The following LRP1 variants were observed in gnomAD, a reference collection of about 807,000 sequenced individuals.
The protein encoded by LRP1 is prolow-density lipoprotein receptor-related protein 1.
LRP1 carries 51 observed loss-of-function variants against 541.5 expected under a neutral mutation model. The observed-to-expected ratio is 0.09, with a 90% CI of 0.08 to 0.12. LRP1 has a LOEUF of 0.12. Among genes scored for constraint, LRP1 ranks in the 10% least tolerant of loss-of-function variants. The pLI, the probability that LRP1 is intolerant of heterozygous loss-of-function variation, is 1.00. For missense variants in LRP1, 3,878 were observed against 6,376.2 expected, an observed-to-expected ratio of 0.61 and a Z score of 13.34; for synonymous variants, 2,219 against 2,470.8, an observed-to-expected ratio of 0.90 and a Z score of 3.02.
At position 57,128,630 on chromosome 12, in the gene LRP1, A is replaced by G; in HGVS notation, c.-335A>G. 1 of 252,218 alleles carries G rather than the reference A, an allele frequency of 4.0e-6. No individual in the cohort carries two copies. 15.6% of individuals were successfully genotyped at this position (252,218 alleles called of 1,614,324 possible). A position where few individuals can be genotyped will look rare whatever the true frequency, so the allele number is the denominator to read the frequency against. On this transcript the variant is annotated 5_prime_UTR_variant, in exon 1 of 89. Transcript: ENST00000243077. Reference sequence around the variant, plus strand: ...CCACCCCCCCTCCCCGCCTCCTCCCAATTGTGCATTTTTGCAGCCGGAGGC... The same window carrying G: ...CCACCCCCCCTCCCCGCCTCCTCCCGATTGTGCATTTTTGCAGCCGGAGGC...
Position 57,203,531 on chromosome 12 carries a change from T to G in LRP1, c.10951+10T>G. On this transcript the variant is annotated intron_variant, in intron 70 of 88. Transcript: ENST00000243077. Reference sequence around the variant, plus strand: ...GCCTGCGGCACTGGCGGTGCGCCCCTTGGCTTGGTCTCCCTGGGTCCTCCC... The same window carrying G: ...GCCTGCGGCACTGGCGGTGCGCCCCGTGGCTTGGTCTCCCTGGGTCCTCCC... The G allele has an allele frequency of 6.6e-7, 1 of 1,523,678 alleles. No homozygotes were observed. The highest frequency in any genetic ancestry group is 8.8e-7 in the Non-Finnish European group (1 of 1,130,044). The allele number at this position is 1,523,678 out of a possible 1,614,324, so 94.4% of individuals were successfully genotyped here.
Position 57,185,215 on chromosome 12 carries a change from G to A in LRP1, c.6463+10G>A, listed in dbSNP as rs759204237. On this transcript the variant is annotated intron_variant, in intron 40 of 88. Coordinates refer to ENST00000243077, the MANE Select transcript of LRP1 (RefSeq NM_002332.3). This position sits in a 1 kb window ranked among gnomAD's most constrained non-coding sequence, Gnocchi z 4.9. ...CGGGACCGGCAGAAAGGTGAGGCTG[G>A]GGCTCTGGGCTGGGGTGGAGAGGTG... 6.2e-7 allele frequency: 1 copy of A among 1,614,024 alleles called. No homozygotes were observed.
rs2036660081 is a variant in LRP1, at chr12:57,201,722, C to T, written c.10469-58C>T. Reference sequence around the variant, plus strand: ...GTGGCTGCTCCCTCACTCTCCCCACCCTCCCGGCACACTCCTGGAAGGAGT... The same window carrying T: ...GTGGCTGCTCCCTCACTCTCCCCACTCTCCCGGCACACTCCTGGAAGGAGT... On this transcript the variant is annotated intron_variant, in intron 66 of 88. Transcript: ENST00000243077. The surrounding 1 kb of genome is among the most constrained non-coding windows in gnomAD (Gnocchi z 6.4). The T allele has an allele frequency of 6.2e-7, 1 of 1,600,604 alleles. No homozygotes were observed. The highest frequency in any genetic ancestry group is 8.5e-7 in the Non-Finnish European group (1 of 1,170,410).
At chr12:57,193,057 C>A (rs536710027) in intron 45 of LRP1, 87 bp downstream of exon 45, 122 of 1,579,820 alleles carry the variant, frequency 7.7e-5, no homozygotes, top group Non-Finnish European at 1.0e-4. Flanking sequence ...TCCAGCCCAG[C>A]CCCCCAAAGC....
rs1592664316 is a variant in LRP1, at chr12:57,208,097, C to T, written c.11919C>T (p.Tyr3973=). The change falls in exon 77 of 89, where the codon TAC becomes TAT. Residue 3973 remains tyrosine (Y), a synonymous_variant. Coordinates refer to ENST00000243077, the MANE Select transcript of LRP1 (RefSeq NM_002332.3). ...IAIDWVAGNV[Y]WTDSGRDVIE... ...TCGACTGGGTGGCCGGAAACGTGTA[C>T]TGGACCGACTCGGGCCGAGATGTGA... 1 of 1,614,208 alleles carries T rather than the reference C, an allele frequency of 6.2e-7. No homozygotes were observed. Among genetic ancestry groups the T allele is most frequent in the Non-Finnish European group, 8.5e-7 (1 of 1,180,040 alleles).
At position 57,196,134 on chromosome 12, in the gene LRP1, T is replaced by C; in HGVS notation, c.8749T>C (p.Cys2917Arg). Residue 2917 changes from cysteine to arginine, a missense_variant, in exon 55 of 89, where the codon TGT (cysteine) becomes CGT (arginine). Around this residue, in one of 13 missense-constraint regions of LRP1, gnomAD observed 1,100 missense variants for 1,827.4 expected, o/e 0.60. Coordinates refer to ENST00000243077, the MANE Select transcript of LRP1 (RefSeq NM_002332.3). ...SSQFLCSSGR[C>R]VAEALLCNGQ... ...ACAGTTCCTGTGCAGCAGTGGGCGC[T>C]GTGTGGCTGAGGCACTGCTCTGCAA... The C allele has an allele frequency of 6.2e-7, 1 of 1,610,056 alleles. No individual in the cohort carries two copies. Among genetic ancestry groups the C allele is most frequent in the Non-Finnish European group, 8.5e-7 (1 of 1,177,110 alleles).
At position 57,211,224 on chromosome 12, in the gene LRP1, C is replaced by A; in HGVS notation, c.12965C>A (p.Ala4322Asp). The change falls in exon 84 of 89, where the codon GCT becomes GAT. Residue 4322 changes from alanine to aspartate, a missense_variant. Coordinates refer to ENST00000243077, the MANE Select transcript of LRP1 (RefSeq NM_002332.3). The surrounding 1 kb of genome is among the most constrained non-coding windows in gnomAD (Gnocchi z 4.3). Reference protein sequence around the residue: ...CENFGTCQMAADGSRQCRCTA... With the variant: ...CENFGTCQMADDGSRQCRCTA... ...AACTTTGGCACATGCCAGATGGCTG[C>A]TGATGGCTCCCGACAATGCCGCTGC... 6.2e-7 allele frequency: 1 copy of A among 1,614,246 alleles called. No homozygotes were observed. The highest frequency in any genetic ancestry group is 8.5e-7 in the Non-Finnish European group (1 of 1,180,040).
chr12:57,195,664 A>T lies in LRP1; in HGVS notation c.8444A>T (p.Asn2815Ile). ...DESIAAGCLY[N>I]STCDDREFMC... ...TGTCCACCTCTGTCCACAGTGTACA[A>T]CAGCACTTGTGACGACCGTGAGTTC... The change falls in exon 53 of 89, where the codon AAC becomes ATC. Residue 2815 changes from asparagine (N) to isoleucine (I), a missense_variant. Physicochemically the swap from Asn to Ile is moderately radical, Grantham distance 149. Around this residue, in one of 13 missense-constraint regions of LRP1, gnomAD observed 1,100 missense variants for 1,827.4 expected, o/e 0.60. Coordinates refer to ENST00000243077, the MANE Select transcript of LRP1 (RefSeq NM_002332.3). 1 of 1,614,104 alleles carries T rather than the reference A, an allele frequency of 6.2e-7. No individual in the cohort carries two copies. Among genetic ancestry groups the T allele is most frequent in the Non-Finnish European group, 8.5e-7 (1 of 1,180,018 alleles).
chr12:57,208,923 A>G (rs2036847768), intron 78 of LRP1, 106 bp downstream of exon 78: 1 of 1,147,430 alleles, frequency 8.7e-7, no homozygotes, highest in Non-Finnish European at 1.3e-6. Context: ...TGGGGCTTGG[A>G]CTGGGGCAGG....
At chr12:57,129,592 C>T (rs557433849) in intron 1 of LRP1, among the ~76,000 whole-genome samples, 2 of 152,080 alleles carry the variant, frequency 1.3e-5, no homozygotes, top group African/African-American at 4.8e-5. Flanking sequence ...CCCAGAGCCC[C>T]GGCTGGAGGC....
chr12:57,156,330 T>C lies in LRP1; in HGVS notation c.1417+47T>C, dbSNP rs2035619457. 6.3e-7 allele frequency: 1 copy of C among 1,588,860 alleles called. No homozygotes were observed. The highest frequency in any genetic ancestry group is 8.6e-7 in the Non-Finnish European group (1 of 1,163,446). On this transcript the variant is annotated intron_variant, in intron 9 of 88. Transcript: ENST00000243077. The surrounding 1 kb of genome is among the most constrained non-coding windows in gnomAD (Gnocchi z 5.2). ...CTCCAAAGCTGGCTTTACCCCATGA[T>C]GGCTCTGGGACCTTGGGATCACAGC...
intron 58 of LRP1, 33 bp from the exon 59 acceptor site, chr12:57,198,123 C>G: frequency 6.3e-7 from 1 of 1,577,718 alleles, no homozygotes; most frequent in Non-Finnish European, 8.7e-7. Flanking sequence ...CCCAGGTCAC[C>G]CAGAGCTCTC....
In LRP1 at chr12:57,173,953, G is replaced by A. The variant is rs765494898; in HGVS notation, c.3520G>A (p.Asp1174Asn). 1.4e-5 allele frequency: 22 copies of A among 1,614,186 alleles called. No homozygotes were observed. The Admixed American group carries it at 2.5e-4, about 18-fold the overall frequency. The change falls in exon 22 of 89, where the codon GAC (aspartate) becomes AAC (asparagine). Residue 1174 changes from aspartate to asparagine, a missense_variant. Physicochemically the swap from Asp to Asn is conservative, Grantham distance 23 (BLOSUM62 1). Transcript: ENST00000243077. This position sits in a 1 kb window ranked among gnomAD's most constrained non-coding sequence, Gnocchi z 4.7. ...GTGTGATGGCAACGACGACTGTGGC[G>A]ACGGCTCAGATGAGGGCGAGCTCTG... Reference protein sequence around the residue: ...KLCDGNDDCGDGSDEGELCDQ... With the variant: ...KLCDGNDDCGNGSDEGELCDQ...
Position 57,211,451 on chromosome 12 carries a change from C to T in LRP1, c.13092-36C>T, listed in dbSNP as rs1472281966. 6.2e-7 allele frequency: 1 copy of T among 1,609,826 alleles called. No individual in the cohort carries two copies. The highest frequency in any genetic ancestry group is 8.5e-7 in the Non-Finnish European group (1 of 1,177,970). ...CCTCAGCATCCCAGGCACGCCTCTG[C>T]CAGCCCCAGCCCCAGCCTCTGATTC... On this transcript the variant is annotated intron_variant, in intron 84 of 88. Transcript: ENST00000243077. This position sits in a 1 kb window ranked among gnomAD's most constrained non-coding sequence, Gnocchi z 4.3.
chr12:57,186,272 T>G (rs1473055459), intron 41 of LRP1, among the ~76,000 whole-genome samples: 2 of 152,200 alleles, frequency 1.3e-5, no homozygotes, highest in Non-Finnish European at 2.9e-5. Context: ...CTCATCTGCG[T>G]GGATGAGTGT....
intron 8 of LRP1, chr12:57,155,257 G>T: frequency 5.2e-6 from 1 of 193,424 alleles, no homozygotes; most frequent in Non-Finnish European, 1.1e-5. Context: ...AGCTATGTGG[G>T]TAGTCAGGGG....
intron 1 of LRP1, 71 bp from the exon 2 acceptor site, chr12:57,138,388 C>T: frequency 6.4e-7 from 1 of 1,565,260 alleles, no homozygotes; most frequent in South Asian, 1.2e-5. Context: ...AAGAGCAGTA[C>T]TAGGGGACTT....
intron 1 of LRP1, among the ~76,000 whole-genome samples, chr12:57,136,677 C>G (rs1458628009): frequency 6.6e-6 from 1 of 152,136 alleles, no homozygotes; most frequent in East Asian, 1.9e-4. Context: ...GACTGTTCCT[C>G]CTGTGGAGGA....
Position 57,154,152 on chromosome 12 carries a change from G to T in LRP1, c.842-56G>T. 6.5e-7 allele frequency: 1 copy of T among 1,536,670 alleles called. No individual in the cohort carries two copies. The highest frequency in any genetic ancestry group is 8.9e-7 in the Non-Finnish European group (1 of 1,121,402). ...GTGGGTTCTCACCAGCAAAGGGTGG[G>T]CATCTCTGCAAGAGGGCCTACCCCA... On this transcript the variant is annotated intron_variant, in intron 6 of 88. Transcript: ENST00000243077. The surrounding 1 kb of genome is among the most constrained non-coding windows in gnomAD (Gnocchi z 4.6).
Sources: allele counts gnomAD v4.1 joint callset (sites outside exome capture counted in the v4.1 genomes callset), GRCh38; gene constraint gnomAD v4.1.1; regional missense constraint gnomAD v4.1.1; non-coding constraint Gnocchi (gnomAD v3.1); transcripts MANE v1.5; gene names NCBI Gene and HGNC (gene_info 2026-07-23, HGNC 2026-07-21).